The following BTD variants were observed in gnomAD, a reference collection of about 807,000 sequenced individuals.
BTD encodes the protein biocytinase.
In BTD, 13 loss-of-function variants were observed where a neutral mutation model predicts 17.7. That is an observed-to-expected ratio of 0.74 (90% CI 0.48 to 1.17). BTD has a LOEUF of 1.17. Ranked by LOEUF, BTD falls within the 50% of genes most tolerant of loss-of-function variation. The probability of loss-of-function intolerance (pLI) is 0.00; values close to 1 mark genes in which losing one functional copy is unlikely to be tolerated. For synonymous variants in BTD, 240 were observed against 245.2 expected (o/e 0.98, Z 0.20); for missense variants, 674 against 650.4 (o/e 1.04, Z -0.39).
At chr3:15,605,909 G>A (rs2064435547) in intron 1 of BTD, among the ~76,000 whole-genome samples, 1 of 152,074 alleles carries the variant, frequency 6.6e-6, no homozygotes, top group Non-Finnish European at 1.5e-5. Flanking sequence ...CAGGTGTGGT[G>A]GCACATGCCT....
chr3:15,707,569 C>T (rs2071623575), intron 3 of BTD, among the ~76,000 whole-genome samples: 2 of 152,276 alleles, frequency 1.3e-5, no homozygotes, highest in African/African-American at 4.8e-5. Context: ...TGACATTACT[C>T]ATATATCTCC....
chr3:15,677,909 G>GA (rs1296653813), intron 3 of BTD, among the ~76,000 whole-genome samples: 2 of 152,036 alleles, frequency 1.3e-5, no homozygotes, highest in Non-Finnish European at 2.9e-5. Context: ...TTATAAATGA[G>GA]AAAACTGAGG....
At chr3:15,718,168 G>T (rs1265559994) in intron 4 of BTD, among the ~76,000 whole-genome samples, 2 of 152,198 alleles carry the variant, frequency 1.3e-5, no homozygotes, top group Admixed American at 6.5e-5. Flanking sequence ...CATATTGTGT[G>T]TAAGAGCTGG....
At chr3:15,715,582 GGGA>G (rs1242422519), downstream of BTD, among the ~76,000 whole-genome samples, 3 of 152,140 alleles carry the variant, frequency 2.0e-5, no homozygotes, top group Admixed American at 2.0e-4. Context: ...AGAAAGGAAG[GGGA>G]GGAGGAGAGA....
chr3:15,677,907 G>A (rs1339915313), intron 3 of BTD, among the ~76,000 whole-genome samples: 1 of 152,052 alleles, frequency 6.6e-6, no homozygotes, highest in African/African-American at 2.4e-5. Flanking sequence ...TTTTATAAAT[G>A]AGAAAACTGA....
rs1371466322 is a variant in BTD at position 15,649,226 on chromosome 3, G to T, written c.*3738G>T. On this transcript the variant is annotated 3_prime_UTR_variant, in exon 4 of 4. Transcript: ENST00000643237. ...TCCTCACCACTTGGGTCTTTCCATA[G>T]GGATAGCTGAGTGTCCTCATGATGT... is the stretch of plus-strand genomic sequence containing the variant. Among the ~76,000 whole-genome samples, 1 of 152,214 alleles carries T rather than the reference G, an allele frequency of 6.6e-6. No individual in the cohort carries two copies. Among genetic ancestry groups the T allele is most frequent in the Non-Finnish European group, 1.5e-5 (1 of 68,044 alleles).
chr3:15,718,400 T>A (rs1423603360), intron 4 of BTD, among the ~76,000 whole-genome samples: 1 of 152,202 alleles, frequency 6.6e-6, no homozygotes, highest in East Asian at 1.9e-4. Flanking sequence ...TATATGAAAT[T>A]CACCACTGAG....
chr3:15,703,587 T>C (rs915683091), intron 3 of BTD, among the ~76,000 whole-genome samples: 4 of 152,254 alleles, frequency 2.6e-5, no homozygotes, highest in Non-Finnish European at 5.9e-5. Context: ...TGCTGGTGCC[T>C]TGATATTCTT....
chr3:15,631,624 CT>C, intron 1 of BTD: 4 of 797,864 alleles, frequency 5.0e-6, no homozygotes, highest in Non-Finnish European at 8.1e-6. Flanking sequence ...CTGATCAGGA[CT>C]GGTGTTGGGG....
intron 3 of BTD, among the ~76,000 whole-genome samples, chr3:15,709,923 A>T (rs994485930): frequency 3.3e-5 from 5 of 152,238 alleles, no homozygotes; most frequent in African/African-American, 1.2e-4. Flanking sequence ...TTATATACTT[A>T]CATATTGGCA....
At chr3:15,664,994 C>T (rs1360555801) in intron 3 of BTD, among the ~76,000 whole-genome samples, 4 of 152,016 alleles carry the variant, frequency 2.6e-5, no homozygotes, top group Non-Finnish European at 4.4e-5. Flanking sequence ...TGCACATGTT[C>T]CCTTGATCAT....
rs1208281989 is a variant in BTD at position 15,609,845 on chromosome 3, GT to G, written c.-17+7958del. Among the ~76,000 whole-genome samples, 3 of 150,536 alleles carry G rather than the reference GT, an allele frequency of 2.0e-5. No individual in the cohort carries two copies. The East Asian group carries it at 5.9e-4, about 29-fold the overall frequency. ...AATAGTGATTTTAGAGGTATAAAGG[GT>G]TTTTTTATAGTCACATTTGACAACT... On this transcript the variant is annotated intron_variant, in intron 1 of 3. Transcript: ENST00000643237.
chr3:15,680,366 G>A (rs1300724941), intron 3 of BTD, among the ~76,000 whole-genome samples: 2 of 151,844 alleles, frequency 1.3e-5, no homozygotes. Context: ...ACCATGCCCA[G>A]CTAGCTTTTT....
chr3:15,601,735 C>G (rs1559570482), upstream of BTD: 1 of 1,577,750 alleles, frequency 6.3e-7, no homozygotes, highest in Non-Finnish European at 8.6e-7. Context: ...CAGAGGGAGG[C>G]GGGACTAGCA....
rs765366331 is a variant in BTD at position 15,601,814 on chromosome 3, C to T, written c.-97C>T. Reference sequence around the variant, plus strand: ...AGGCCTCTCGCCATTGTCTCCGAGTCGGCCAGCTGGAGCGTTTTCGGGGCT... The same window carrying T: ...AGGCCTCTCGCCATTGTCTCCGAGTTGGCCAGCTGGAGCGTTTTCGGGGCT... On this transcript the variant is annotated 5_prime_UTR_variant, in exon 1 of 4. Coordinates refer to ENST00000643237, the MANE Select transcript of BTD (RefSeq NM_001370658.1). 2 of 1,614,128 alleles carry T rather than the reference C, an allele frequency of 1.2e-6. No individual in the cohort carries two copies. The highest frequency in any genetic ancestry group is 1.3e-5 in the African/African-American group (1 of 75,036).
exon 4 of BTD, among the ~76,000 whole-genome samples, chr3:15,712,460 A>T (rs2072436110): frequency 6.6e-6 from 1 of 152,170 alleles, no homozygotes; most frequent in Non-Finnish European, 1.5e-5. Flanking sequence ...TTGCTGGGGA[A>T]ACGTGAGAAG....
chr3:15,662,964 G>C (rs562178264), intron 3 of BTD, among the ~76,000 whole-genome samples: 2 of 148,596 alleles, frequency 1.3e-5, no homozygotes, highest in East Asian at 4.0e-4. Context: ...CTAGTATCTT[G>C]ATTTGCTGAG....
chr3:15,701,536 C>A (rs1215512527), intron 3 of BTD, among the ~76,000 whole-genome samples: 2 of 151,880 alleles, frequency 1.3e-5, no homozygotes, highest in African/African-American at 4.8e-5. Flanking sequence ...CCCAGCTCCT[C>A]GGGAGGCTGA....
intron 1 of BTD, among the ~76,000 whole-genome samples, chr3:15,624,442 C>G (rs959089862): frequency 6.6e-6 from 1 of 151,910 alleles, no homozygotes; most frequent in African/African-American, 2.4e-5. Flanking sequence ...TTGGGCATTT[C>G]TATTGTCATA....
Sources: gnomAD v4.1 joint callset for allele counts (sites outside exome capture counted in the v4.1 genomes callset) on GRCh38, gnomAD v4.1.1 for gene constraint, MANE v1.5 for transcripts, NCBI Gene and HGNC (gene_info 2026-07-23, HGNC 2026-07-21) for gene names.